The following SPATA16 variants were observed in gnomAD, a reference collection of about 807,000 sequenced individuals.
SPATA16 encodes the protein spermatogenesis-associated protein 16.
Under a neutral mutation model 63.3 loss-of-function variants are expected in SPATA16, and 36 were observed. The observed-to-expected ratio is 0.57, with a 90% CI of 0.44 to 0.75. SPATA16 has a LOEUF of 0.75. Among genes scored for constraint, SPATA16 ranks in the 30% least tolerant of loss-of-function variants. The probability of loss-of-function intolerance (pLI) is 0.00; values close to 1 mark genes in which losing one functional copy is unlikely to be tolerated. For synonymous variants in SPATA16, 203 were observed against 216.7 expected (o/e 0.94, Z 0.56); for missense variants, 646 against 679.3 (o/e 0.95, Z 0.54).
chr3:173,075,763 G>A (rs961028376), intron 2 of SPATA16, among the ~76,000 whole-genome samples: 4 of 152,118 alleles, frequency 2.6e-5, no homozygotes, highest in Non-Finnish European at 5.9e-5. Context: ...TGGTTACCAG[G>A]GGCTGGTGTG....
chr3:173,132,593 G>A (rs1021432584), intron 1 of SPATA16, among the ~76,000 whole-genome samples: 2 of 152,106 alleles, frequency 1.3e-5, no homozygotes, highest in Non-Finnish European at 2.9e-5. Context: ...TGTAAACAGA[G>A]TTAAAGTATT....
intron 6 of SPATA16, among the ~76,000 whole-genome samples, chr3:172,938,939 T>C (rs1111990): frequency 0.73 from 110,653 of 150,908 alleles, 40,720 homozygotes; most frequent in Non-Finnish European, 0.78. Context: ...TCCTGAGGGG[T>C]CTGGAGGAAG....
rs1177245517 is a variant in SPATA16, at chr3:173,028,011, CTCCCTTCCTTCT to C, written c.759-8448_759-8437del. On this transcript the variant is annotated intron_variant, in intron 3 of 10. Coordinates refer to ENST00000351008, the MANE Select transcript of SPATA16 (RefSeq NM_031955.6). ...CCTCCCTCCCTCCCTCCCTCCCTCCCTCCCTTCCTTCTTTCCTTCCTTCCTTCCTTCCTTCCT... is the reference window on the plus strand; with the variant it reads ...CCTCCCTCCCTCCCTCCCTCCCTCCCTTCCTTCCTTCCTTCCTTCCTTCCT... 7.8e-4 allele frequency among the ~76,000 whole-genome samples: 49 copies of C among 63,010 alleles called. 3 individuals carry two copies. Among genetic ancestry groups the C allele is most frequent in the African/African-American group, 5.5e-3 (49 of 8,840 alleles). The allele number at this position is 63,010 out of a possible 152,430, so 41.3% of individuals were successfully genotyped here.
intron 6 of SPATA16, among the ~76,000 whole-genome samples, chr3:172,940,841 G>A (rs1733128320): frequency 6.6e-6 from 1 of 152,040 alleles, no homozygotes; most frequent in South Asian, 2.1e-4. Flanking sequence ...AAATTAGCTG[G>A]GCGTGGTGGC....
intron 6 of SPATA16, among the ~76,000 whole-genome samples, chr3:172,945,197 T>TA (rs369824038): frequency 6.6e-6 from 1 of 152,102 alleles, no homozygotes; most frequent in Non-Finnish European, 1.5e-5. Flanking sequence ...ATTACATAAC[T>TA]AAAAAAATAA....
rs1320317415 is a variant in SPATA16, at chr3:172,976,937, T to G, written c.933+31A>C. ...TTTGGCTCTAAAAATGAGATGGGTT[T>G]CTCCTCCCTAGTTGGGACATCAATT... On this transcript the variant is annotated intron_variant, in intron 5 of 10. Coordinates refer to ENST00000351008, the MANE Select transcript of SPATA16 (RefSeq NM_031955.6). The G allele has an allele frequency of 1.9e-6, 3 of 1,582,322 alleles. No homozygotes were observed. In the African/African-American group the frequency reaches 4.0e-5, roughly 21 times the overall value.
intron 1 of SPATA16, among the ~76,000 whole-genome samples, chr3:173,140,556 C>A (rs1158539394): frequency 6.6e-6 from 1 of 152,116 alleles, no homozygotes. Context: ...CTATGTCTTA[C>A]AGGGAGCTTG....
intron 6 of SPATA16, among the ~76,000 whole-genome samples, chr3:172,952,544 T>C (rs1733461255): frequency 6.6e-6 from 1 of 152,118 alleles, no homozygotes; most frequent in Admixed American, 6.6e-5. Context: ...AAGTGACATA[T>C]ATCACATCTG....
chr3:173,017,243 C>G (rs1439408930), intron 4 of SPATA16, among the ~76,000 whole-genome samples: 1 of 152,136 alleles, frequency 6.6e-6, no homozygotes, highest in Non-Finnish European at 1.5e-5. Flanking sequence ...TGCACACCAG[C>G]ATAACCAAGA....
intron 6 of SPATA16, among the ~76,000 whole-genome samples, chr3:172,934,809 C>CTTTTAA (rs1732943533): frequency 6.6e-6 from 1 of 152,096 alleles, no homozygotes; most frequent in East Asian, 1.9e-4. Context: ...ATATGGAAAT[C>CTTTTAA]TAAAAGAAGA....
At chr3:172,968,099 C>A (rs888483742) in intron 5 of SPATA16, among the ~76,000 whole-genome samples, 6 of 152,208 alleles carry the variant, frequency 3.9e-5, no homozygotes, top group Admixed American at 2.6e-4. Context: ...TCTCCTGCCT[C>A]AGCCTCCTGA....
intron 10 of SPATA16, among the ~76,000 whole-genome samples, chr3:172,906,802 C>T (rs922244818): frequency 3.3e-5 from 5 of 152,048 alleles, no homozygotes; most frequent in African/African-American, 9.7e-5. Context: ...AATGCAGTGG[C>T]GCAATCTTGG....
At chr3:173,053,793 A>G (rs989328198) in intron 2 of SPATA16, among the ~76,000 whole-genome samples, 5 of 152,146 alleles carry the variant, frequency 3.3e-5, no homozygotes, top group Non-Finnish European at 5.9e-5. Flanking sequence ...GCATTGTTTG[A>G]GTCATCAAAT....
chr3:173,123,591 A>G (rs898061544), intron 1 of SPATA16, among the ~76,000 whole-genome samples: 4 of 151,956 alleles, frequency 2.6e-5, no homozygotes, highest in Admixed American at 2.6e-4. Context: ...TTTGTTAAGA[A>G]AGGTATTAGA....
At position 172,889,471 on chromosome 3, in the gene SPATA16, C is replaced by G; in HGVS notation, c.*99G>C. The G allele has an allele frequency of 6.4e-7, 1 of 1,566,326 alleles. No individual in the cohort carries two copies. On this transcript the variant is annotated 3_prime_UTR_variant, in exon 11 of 11. Coordinates refer to ENST00000351008, the MANE Select transcript of SPATA16 (RefSeq NM_031955.6). ...ACCACCTCTTTCTTTTGGTGACAAG[C>G]TTTTGTTATCCAGCTTCACAGTACT...
chr3:172,896,790 C>CT (rs1010230811), intron 10 of SPATA16, among the ~76,000 whole-genome samples: 21 of 146,908 alleles, frequency 1.4e-4, no homozygotes, highest in South Asian at 4.4e-4. Flanking sequence ...ATTGGATCGG[C>CT]TTTTTTTTTT....
intron 1 of SPATA16, among the ~76,000 whole-genome samples, chr3:173,132,074 AAG>A (rs781555295): frequency 1.3e-4 from 9 of 71,238 alleles, no homozygotes; most frequent in Admixed American, 6.5e-4. Context: ...TATTTATGAC[AAG>A]AGAGTGAGAA....
At chr3:173,057,929 C>A (rs1336926362) in intron 2 of SPATA16, among the ~76,000 whole-genome samples, 1 of 152,036 alleles carries the variant, frequency 6.6e-6, no homozygotes, top group African/African-American at 2.4e-5. Flanking sequence ...AGAAATACAA[C>A]AAAGTAGAAC....
intron 9 of SPATA16, among the ~76,000 whole-genome samples, chr3:172,915,369 T>A (rs186967338): frequency 6.6e-6 from 1 of 152,186 alleles, no homozygotes; most frequent in Admixed American, 6.5e-5. Flanking sequence ...TGGCAGCTCA[T>A]TTCTTGAGTA....
Sources: gnomAD v4.1 joint callset for allele counts (sites outside exome capture counted in the v4.1 genomes callset) on GRCh38, gnomAD v4.1.1 for gene constraint, MANE v1.5 for transcripts, NCBI Gene and HGNC (gene_info 2026-07-23, HGNC 2026-07-21) for gene names.